Variants in CTBP1 observed in about 807,000 individuals in gnomAD.
The protein encoded by CTBP1 is C-terminal binding protein 1.
Under a neutral mutation model 42.1 loss-of-function variants are expected in CTBP1, and 11 were observed. The ratio of observed to expected loss-of-function variants is 0.26; its 90% CI spans 0.16 to 0.43. The LOEUF is 0.43. Ranked by LOEUF, CTBP1 falls within the 20% of genes least tolerant of loss-of-function variation. The probability of loss-of-function intolerance (pLI) is 1.00; values close to 1 mark genes in which losing one functional copy is unlikely to be tolerated. For missense variants in CTBP1, 399 were observed against 624.3 expected (o/e 0.64, Z 3.85); for synonymous variants, 324 against 277.1 (o/e 1.17, Z -1.68).
At chr4:1,247,967 C>T (rs540028424) in intron 1 of CTBP1, among the ~76,000 whole-genome samples, 1 of 152,252 alleles carries the variant, frequency 6.6e-6, no homozygotes, top group African/African-American at 2.4e-5. Context: ...GGATCTGGCC[C>T]AGGCCGGGCT....
At chr4:1,248,307 C>T (rs1053082848) in intron 1 of CTBP1, among the ~76,000 whole-genome samples, 12 of 151,764 alleles carry the variant, frequency 7.9e-5, no homozygotes, top group African/African-American at 2.9e-4. Flanking sequence ...GCGTCACCGC[C>T]GGGGGCTGCG....
Position 1,241,358 on chromosome 4 carries a change from A to T in CTBP1, c.-27T>A. On this transcript the variant is annotated 5_prime_UTR_variant, in exon 2 of 10. Coordinates refer to ENST00000382952, the MANE Select transcript of CTBP1 (RefSeq NM_001012614.2). ...TCTTAATATGGGCTCAGCTTCCACGACCATGAATTCGACTTTTCAAAGCTT... is the reference window on the plus strand; with the variant it reads ...TCTTAATATGGGCTCAGCTTCCACGTCCATGAATTCGACTTTTCAAAGCTT... 2.0e-6 allele frequency: 2 copies of T among 1,001,390 alleles called. No homozygotes were observed. The highest frequency in any genetic ancestry group is 3.2e-6 in the Non-Finnish European group (2 of 619,706). 62.0% of individuals were successfully genotyped at this position (1,001,390 alleles called of 1,614,324 possible).
rs755088882 is a variant in CTBP1 at position 1,238,290 on chromosome 4, C to T, written c.55G>A (p.Val19Met). 1.9e-6 allele frequency: 3 copies of T among 1,597,226 alleles called. No individual in the cohort carries two copies. The highest frequency in any genetic ancestry group is 1.7e-6 in the Non-Finnish European group (2 of 1,168,358). Residue 19 changes from valine (V) to methionine (M), a missense_variant, in exon 3 of 10, where the codon GTG (valine) becomes ATG (methionine). Val to Met is a conservative substitution (Grantham distance 21, BLOSUM62 1). This residue lies in a region of CTBP1 where 13 missense variants were observed against 61.5 expected (regional missense o/e 0.21). Transcript: ENST00000382952. The surrounding 1 kb of genome is among the most constrained non-coding windows in gnomAD (Gnocchi z 5.9). ...CAGTCCCGGCCATCCAGCAATGCCACCAGGGGCCGCGGGTGCAGGGGCCCG... is the reference window on the plus strand; with the variant it reads ...CAGTCCCGGCCATCCAGCAATGCCATCAGGGGCCGCGGGTGCAGGGGCCCG... ...MNGPLHPRPLVALLDGRDCTV... is the reference protein window; with the variant it reads ...MNGPLHPRPLMALLDGRDCTV...
At position 1,214,286 on chromosome 4, in the gene CTBP1, G is replaced by C. The variant is rs764288337; in HGVS notation, c.860+57C>G. On this transcript the variant is annotated intron_variant, in intron 7 of 9. Coordinates refer to ENST00000382952, the MANE Select transcript of CTBP1 (RefSeq NM_001012614.2). ...GGCAGAGGCGCCGTCTGGAGGTCAA[G>C]GCCGGCAGGATGGTGGACAGGGAAG... 6.0e-6 allele frequency: 9 copies of C among 1,488,754 alleles called. No homozygotes were observed. The South Asian group carries it at 9.6e-5, about 16-fold the overall frequency. 92.2% of individuals were successfully genotyped at this position (1,488,754 alleles called of 1,614,324 possible). A position where few individuals can be genotyped will look rare whatever the true frequency, so the allele number is the denominator to read the frequency against.
chr4:1,223,243 G>A (rs919086514), intron 5 of CTBP1, among the ~76,000 whole-genome samples: 9 of 151,172 alleles, frequency 6.0e-5, no homozygotes, highest in Non-Finnish European at 7.4e-5. Flanking sequence ...AGGAGGGGCC[G>A]CCCAGGCCTC....
In CTBP1 at chr4:1,211,883, A is replaced by AC. The variant is rs1321148492; in HGVS notation, c.*356_*357insG. 5.4e-6 allele frequency: 1 copy of AC among 186,116 alleles called. No individual in the cohort carries two copies. The highest frequency in any genetic ancestry group is 2.3e-5 in the African/African-American group (1 of 42,790). 11.5% of individuals were successfully genotyped at this position (186,116 alleles called of 1,614,324 possible). ...CAACATACAAAAAAAAAAAAAACAA[A>AC]AAAAAAAACCTCAAATTGACTTCCA... On this transcript the variant is annotated 3_prime_UTR_variant, in exon 10 of 10. Coordinates refer to ENST00000382952, the MANE Select transcript of CTBP1 (RefSeq NM_001012614.2).
intron 6 of CTBP1, among the ~76,000 whole-genome samples, chr4:1,214,923 C>T (rs1240511464): frequency 6.6e-6 from 1 of 152,270 alleles, no homozygotes; most frequent in Non-Finnish European, 1.5e-5. Context: ...GGGCCTGCAG[C>T]AGAGCCTCCG....
chr4:1,221,285 G>C lies in CTBP1; in HGVS notation c.514+4075C>G, dbSNP rs867736445. ...CTGCTGGAAGGGCTAGAATTACACAGAGTGCTGGCAAGGATACGCGGCTGC... is the reference window on the plus strand; with the variant it reads ...CTGCTGGAAGGGCTAGAATTACACACAGTGCTGGCAAGGATACGCGGCTGC... On this transcript the variant is annotated intron_variant, in intron 5 of 9. Transcript: ENST00000382952. Among the ~76,000 whole-genome samples the C allele has an allele frequency of 1.5e-4, 23 of 152,346 alleles. No individual in the cohort carries two copies. The Middle Eastern group carries it at 0.01, about 68-fold the overall frequency.
intron 3 of CTBP1, chr4:1,236,471 T>A: frequency 1.7e-6 from 1 of 581,440 alleles, no homozygotes; most frequent in South Asian, 2.0e-5. Context: ...AAAGCTGGCA[T>A]CCCGAGGACC....
intron 5 of CTBP1, among the ~76,000 whole-genome samples, chr4:1,223,807 T>TCACA (rs1321519043): frequency 2.0e-5 from 3 of 152,060 alleles, no homozygotes; most frequent in African/African-American, 7.3e-5. Flanking sequence ...TCCCAGGATC[T>TCACA]CACACACGCA....
At chr4:1,213,303 G>A (rs1356876476) in intron 8 of CTBP1, among the ~76,000 whole-genome samples, 175 bp downstream of exon 8, 1 of 152,170 alleles carries the variant, frequency 6.6e-6, no homozygotes, top group African/African-American at 2.4e-5. Context: ...AAGACACGAC[G>A]CCAGGGCTCA....
At chr4:1,228,440 G>C in intron 3 of CTBP1, 97 bp from the exon 4 acceptor site, 2 of 1,458,484 alleles carry the variant, frequency 1.4e-6, no homozygotes, top group Non-Finnish European at 1.9e-6. Flanking sequence ...ATTAGCCTGT[G>C]GCCCTCAGGC....
chr4:1,218,548 G>GAA (rs1156604559), intron 5 of CTBP1: 2 of 152,204 alleles, frequency 1.3e-5, no homozygotes. Flanking sequence ...AAACAAGGCA[G>GAA]AAAGGGTGGA....
Position 1,213,529 on chromosome 4 carries a change from A to C in CTBP1, c.937T>G (p.Ser313Ala), listed in dbSNP as rs1481600940. 1 of 1,612,910 alleles carries C rather than the reference A, an allele frequency of 6.2e-7. No individual in the cohort carries two copies. Among genetic ancestry groups the C allele is most frequent in the Admixed American group, 1.7e-5 (1 of 59,988 alleles). Residue 313 changes from serine (S) to alanine (A), a missense_variant, in exon 8 of 10, where the codon TCC (serine) becomes GCC (alanine). By Grantham distance (99) the Ser-to-Ala change is moderately conservative. Transcript: ENST00000382952. ...PHAAWYSEQA[S>A]IEMREEAARE... ...GCCGCCTCCTCTCGCATCTCGATGG[A>C]TGCCTGCTCGCTGTACCATGCAGCA... is the stretch of plus-strand genomic sequence containing the variant.
At chr4:1,231,651 C>T (rs1730978187) in intron 3 of CTBP1, among the ~76,000 whole-genome samples, 1 of 152,264 alleles carries the variant, frequency 6.6e-6, no homozygotes, top group Non-Finnish European at 1.5e-5. Flanking sequence ...AGACCTCGTG[C>T]ACAGGGGTGG....
chr4:1,236,756 T>A (rs568885456), intron 3 of CTBP1: 4 of 683,468 alleles, frequency 5.9e-6, no homozygotes, highest in Admixed American at 4.1e-5. Flanking sequence ...GTCCACCTCC[T>A]GATGGGGCTC....
intron 1 of CTBP1, chr4:1,245,565 G>C (rs1405965599): frequency 1.0e-6 from 1 of 984,016 alleles, no homozygotes; most frequent in Admixed American, 6.1e-5. Flanking sequence ...TGGCACAGGA[G>C]GGCACGGTGA....
chr4:1,219,823 C>T (rs189481652), intron 5 of CTBP1, among the ~76,000 whole-genome samples: 21 of 152,318 alleles, frequency 1.4e-4, no homozygotes, highest in African/African-American at 4.8e-4. Context: ...CCACTGCACC[C>T]GGCCTAACAT....
At chr4:1,248,699 T>TCGCGCACACGCAGCGGCC (rs1187831540) in intron 1 of CTBP1, 212 of 980,734 alleles carry the variant, frequency 2.2e-4, no homozygotes, top group Non-Finnish European at 2.4e-4. Context: ...ACTGCGGCGC[T>TCGCGCACACGCAGCGGCC]CGCGCACACG....
Sources: allele counts gnomAD v4.1 joint callset (sites outside exome capture counted in the v4.1 genomes callset), GRCh38; gene constraint gnomAD v4.1.1; regional missense constraint gnomAD v4.1.1; non-coding constraint Gnocchi (gnomAD v3.1); transcripts MANE v1.5; gene names NCBI Gene and HGNC (gene_info 2026-07-23, HGNC 2026-07-21).